SRBD1: variants seen among roughly 807,000 people sequenced by gnomAD.
The protein encoded by SRBD1 is S1 RNA-binding domain-containing protein 1.
SRBD1 carries 88 observed loss-of-function variants against 115.3 expected under a neutral mutation model. That is an observed-to-expected ratio of 0.76 (90% CI 0.64 to 0.91). The LOEUF (loss-of-function observed/expected upper bound fraction) is 0.91, where lower values mean the gene tolerates loss of function less well. SRBD1 is among the 40% of genes least tolerant of loss of function. The pLI is 0.00. For missense variants in SRBD1, 1,385 were observed against 1,177.4 expected (o/e 1.18, Z -2.58); for synonymous variants, 509 against 407.7 (o/e 1.25, Z -2.99).
intron 12 of SRBD1, among the ~76,000 whole-genome samples, chr2:45,550,594 CAG>C (rs1672265979): frequency 6.7e-6 from 1 of 150,072 alleles, no homozygotes; most frequent in Non-Finnish European, 1.5e-5. Flanking sequence ...GAAGGCAAAA[CAG>C]AGATGTTTTC....
chr2:45,477,185 T>A (rs1669829491), intron 15 of SRBD1, 110 bp from the exon 16 acceptor site: 1 of 801,546 alleles, frequency 1.2e-6, no homozygotes, highest in Non-Finnish European at 2.0e-6. Context: ...TCCCTCCTCA[T>A]CATCCCTCTA....
chr2:45,563,290 A>C (rs1470837100), intron 9 of SRBD1, among the ~76,000 whole-genome samples: 5 of 152,044 alleles, frequency 3.3e-5, no homozygotes, highest in African/African-American at 9.7e-5. Context: ...TCTGAAACTA[A>C]CTTGTTGCAA....
chr2:45,507,805 G>C (rs868621817), intron 14 of SRBD1, among the ~76,000 whole-genome samples: 4 of 151,978 alleles, frequency 2.6e-5, no homozygotes, highest in Non-Finnish European at 5.9e-5. Context: ...CATGAAAATC[G>C]TCTAAAATCT....
chr2:45,561,132 T>A (rs1672652599), intron 10 of SRBD1, among the ~76,000 whole-genome samples: 1 of 151,960 alleles, frequency 6.6e-6, no homozygotes, highest in Non-Finnish European at 1.5e-5. Context: ...GAAAAGAAAC[T>A]ATATAGAAAA....
intron 19 of SRBD1, among the ~76,000 whole-genome samples, chr2:45,396,913 TAG>T (rs1388176629): frequency 6.6e-6 from 1 of 152,038 alleles, no homozygotes; most frequent in East Asian, 1.9e-4. Context: ...AACTTAATAT[TAG>T]TACGTGCTTT....
intron 16 of SRBD1, among the ~76,000 whole-genome samples, chr2:45,435,560 G>GA (rs1260597545): frequency 2.7e-3 from 201 of 75,048 alleles, no homozygotes; most frequent in South Asian, 7.7e-3. Context: ...AAGGCCAGGG[G>GA]AAAAAAAAAA....
chr2:45,596,480 T>G (rs1424676106), intron 4 of SRBD1, among the ~76,000 whole-genome samples: 1 of 152,224 alleles, frequency 6.6e-6, no homozygotes, highest in Non-Finnish European at 1.5e-5. Flanking sequence ...AGAGAAATGA[T>G]GCAAACTAGA....
intron 16 of SRBD1, among the ~76,000 whole-genome samples, chr2:45,433,291 A>G (rs1305694398): frequency 1.3e-5 from 2 of 152,362 alleles, no homozygotes; most frequent in Admixed American, 1.3e-4. Context: ...ACCCATCACA[A>G]AAATAACTGT....
chr2:45,474,451 T>C (rs57403020), intron 16 of SRBD1, among the ~76,000 whole-genome samples: 8,280 of 152,298 alleles, frequency 0.054, 692 homozygotes, highest in African/African-American at 0.18. Flanking sequence ...AGGATGAGGC[T>C]CCTTGAGCTT....
At chr2:45,460,316 A>G (rs1221938589) in intron 16 of SRBD1, among the ~76,000 whole-genome samples, 1 of 152,184 alleles carries the variant, frequency 6.6e-6, no homozygotes, top group Non-Finnish European at 1.5e-5. Context: ...ATATCCGACT[A>G]GGTTTCAAAT....
intron 19 of SRBD1, among the ~76,000 whole-genome samples, chr2:45,406,488 G>C (rs545829260): frequency 6.6e-6 from 1 of 152,148 alleles, no homozygotes; most frequent in South Asian, 2.1e-4. Flanking sequence ...CTATAACATG[G>C]GTTCTCTTGC....
intron 16 of SRBD1, among the ~76,000 whole-genome samples, chr2:45,449,804 C>A (rs191260003): frequency 4.5e-4 from 69 of 152,308 alleles, no homozygotes; most frequent in Admixed American, 3.9e-3. Context: ...AAGCGAGCTA[C>A]AGTTAACACG....
intron 16 of SRBD1, among the ~76,000 whole-genome samples, chr2:45,448,508 C>G (rs778991699): frequency 1.3e-5 from 2 of 152,148 alleles, no homozygotes; most frequent in Non-Finnish European, 2.9e-5. Context: ...ATTTGCATCT[C>G]AGAGGCCTGG....
chr2:45,571,228 G>T (rs1234148428), intron 9 of SRBD1, among the ~76,000 whole-genome samples: 1 of 152,056 alleles, frequency 6.6e-6, no homozygotes, highest in African/African-American at 2.4e-5. Context: ...CAAAGTCTGG[G>T]AGAGTTTGGG....
At chr2:45,454,594 G>A (rs754060714) in intron 16 of SRBD1, among the ~76,000 whole-genome samples, 3 of 151,696 alleles carry the variant, frequency 2.0e-5, no homozygotes, top group Non-Finnish European at 4.4e-5. Flanking sequence ...CCACACTTTA[G>A]GGAGCAATTT....
chr2:45,601,219 G>A (rs1674081319), intron 3 of SRBD1, among the ~76,000 whole-genome samples: 2 of 152,104 alleles, frequency 1.3e-5, no homozygotes, highest in East Asian at 1.9e-4. Flanking sequence ...TCAAACGAAT[G>A]GATTTATCTC....
At chr2:45,418,707 A>C (rs1667909977) in intron 17 of SRBD1, among the ~76,000 whole-genome samples, 166 bp from the exon 18 acceptor site, 1 of 152,064 alleles carries the variant, frequency 6.6e-6, no homozygotes, top group South Asian at 2.1e-4. Context: ...AACGGAGAAA[A>C]AAAGAGTTGT....
chr2:45,518,304 G>T (rs917947249), intron 14 of SRBD1, among the ~76,000 whole-genome samples: 1 of 152,156 alleles, frequency 6.6e-6, no homozygotes, highest in African/African-American at 2.4e-5. Context: ...GTGCGATACT[G>T]CCCCTTCAAA....
chr2:45,563,995 G>A (rs1430779990), intron 9 of SRBD1, among the ~76,000 whole-genome samples: 1 of 152,018 alleles, frequency 6.6e-6, no homozygotes, highest in African/African-American at 2.4e-5. Flanking sequence ...GACTTCACAA[G>A]AAAACTACAA....
Sources: gnomAD v4.1 joint callset for allele counts (sites outside exome capture counted in the v4.1 genomes callset) on GRCh38, gnomAD v4.1.1 for gene constraint, MANE v1.5 for transcripts, NCBI Gene and HGNC (gene_info 2026-07-23, HGNC 2026-07-21) for gene names.